Variants in CCDC149 observed in about 807,000 individuals in gnomAD.
CCDC149 encodes coiled-coil domain containing 149.
Under a neutral mutation model 59.9 loss-of-function variants are expected in CCDC149, and 45 were observed. The observed-to-expected ratio is 0.75, with a 90% CI of 0.59 to 0.96. The LOEUF (loss-of-function observed/expected upper bound fraction) is 0.96. CCDC149 is among the 40% of genes least tolerant of loss of function. The pLI, the probability that CCDC149 is intolerant of heterozygous loss-of-function variation, is 0.00. For missense variants in CCDC149, 584 were observed against 664.7 expected (o/e 0.88, Z 1.33); for synonymous variants, 245 against 260.6 (o/e 0.94, Z 0.58).
chr4:24,864,012 A>G (rs893568016), intron 3 of CCDC149, among the ~76,000 whole-genome samples: 1 of 152,206 alleles, frequency 6.6e-6, no homozygotes, highest in African/African-American at 2.4e-5. Context: ...TTCTGCAGAA[A>G]GTAAAGAGTG....
intron 1 of CCDC149, among the ~76,000 whole-genome samples, chr4:24,879,349 C>T (rs534596161): frequency 1.6e-4 from 24 of 152,072 alleles, no homozygotes; most frequent in Middle Eastern, 6.8e-3. Flanking sequence ...AAAACCCCCT[C>T]TCTACTAAAA....
intron 10 of CCDC149, among the ~76,000 whole-genome samples, chr4:24,821,739 T>C (rs1265430060): frequency 6.6e-6 from 1 of 152,162 alleles, no homozygotes. Context: ...GTGGAAATGG[T>C]AAATACAAGT....
At chr4:24,944,954 C>G (rs1220401469) in intron 1 of CCDC149, among the ~76,000 whole-genome samples, 1 of 152,150 alleles carries the variant, frequency 6.6e-6, no homozygotes, top group Non-Finnish European at 1.5e-5. Context: ...CCCACAAACC[C>G]TCCTTTCTCC....
At chr4:24,876,281 A>G (rs1719417051) in intron 2 of CCDC149, among the ~76,000 whole-genome samples, 1 of 143,316 alleles carries the variant, frequency 7.0e-6, no homozygotes, top group Non-Finnish European at 1.5e-5. Context: ...AGAAGCATAT[A>G]CATACACACG....
At chr4:24,960,768 G>A (rs1196372033) in intron 1 of CCDC149, among the ~76,000 whole-genome samples, 1 of 152,126 alleles carries the variant, frequency 6.6e-6, no homozygotes. Context: ...AAAAACTGAT[G>A]GGATTGCAAG....
At chr4:24,865,204 A>G (rs764058034) in intron 3 of CCDC149, among the ~76,000 whole-genome samples, 1 of 152,230 alleles carries the variant, frequency 6.6e-6, no homozygotes, top group Non-Finnish European at 1.5e-5. Context: ...GTAAGGAAAA[A>G]GAGAATGAGA....
chr4:24,955,197 G>T (rs1723432377), intron 1 of CCDC149, among the ~76,000 whole-genome samples: 1 of 152,176 alleles, frequency 6.6e-6, no homozygotes. Context: ...AGCATTTGGT[G>T]TCTGGTGAGG....
intron 12 of CCDC149, among the ~76,000 whole-genome samples, chr4:24,810,508 C>T (rs1714532498): frequency 6.6e-6 from 1 of 152,134 alleles, no homozygotes; most frequent in African/African-American, 2.4e-5. Context: ...AACCATTAGC[C>T]TATTTAAAAT....
intron 3 of CCDC149, among the ~76,000 whole-genome samples, chr4:24,860,983 G>T (rs1718341863): frequency 6.6e-6 from 1 of 152,066 alleles, no homozygotes; most frequent in Non-Finnish European, 1.5e-5. Flanking sequence ...CATGGATGTG[G>T]TAAAAAGGGA....
intron 12 of CCDC149, among the ~76,000 whole-genome samples, chr4:24,813,489 A>AATATATCTATATCATATATCTAT (rs1186488610): frequency 8.8e-6 from 1 of 113,734 alleles, no homozygotes; most frequent in African/African-American, 4.0e-5. Context: ...CAGCTTGGGG[A>AATATATCTATATCATATATCTAT]ATATATATAT....
At chr4:24,937,941 G>A (rs556126103) in intron 1 of CCDC149, among the ~76,000 whole-genome samples, 9 of 152,254 alleles carry the variant, frequency 5.9e-5, no homozygotes, top group African/African-American at 1.2e-4. Flanking sequence ...TGATATGTTG[G>A]TGGTGGGCTG....
In CCDC149 at chr4:24,837,263, G is replaced by A; in HGVS notation, c.627C>T (p.Arg209=). 1 of 1,614,218 alleles carries A rather than the reference G, an allele frequency of 6.2e-7. No individual in the cohort carries two copies. The highest frequency in any genetic ancestry group is 1.3e-5 in the African/African-American group (1 of 75,046). ...TACACAGGGCGTCCACGTCAATGATGCGGTTCTCGTGCCCACTCAGGATAT... is the reference window on the plus strand; with the variant it reads ...TACACAGGGCGTCCACGTCAATGATACGGTTCTCGTGCCCACTCAGGATAT... Residue 209 remains arginine, a synonymous_variant, in exon 6 of 13, where the codon CGC becomes CGT. Coordinates refer to ENST00000635206, the MANE Select transcript of CCDC149 (RefSeq NM_001330643.2). The surrounding 1 kb of genome is among the most constrained non-coding windows in gnomAD (Gnocchi z 4.3).
intron 10 of CCDC149, among the ~76,000 whole-genome samples, chr4:24,822,254 C>G (rs983295016): frequency 6.6e-6 from 1 of 152,032 alleles, no homozygotes; most frequent in Non-Finnish European, 1.5e-5. Context: ...GTTTGCTAAA[C>G]TTCATAGTTC....
intron 1 of CCDC149, among the ~76,000 whole-genome samples, chr4:24,932,688 G>T (rs1722630174): frequency 6.6e-6 from 1 of 152,062 alleles, no homozygotes; most frequent in South Asian, 2.1e-4. Context: ...GCCTTCTACA[G>T]ACTAAATTTA....
intron 1 of CCDC149, among the ~76,000 whole-genome samples, chr4:24,937,675 G>A (rs755720657): frequency 6.6e-6 from 1 of 152,200 alleles, no homozygotes; most frequent in Non-Finnish European, 1.5e-5. Context: ...AGAAAAGCTG[G>A]AGCGTTACAC....
At chr4:24,815,855 G>T (rs561876233) in intron 12 of CCDC149, among the ~76,000 whole-genome samples, 4 of 152,196 alleles carry the variant, frequency 2.6e-5, no homozygotes, top group East Asian at 3.9e-4. Context: ...GTGCAGGGGG[G>T]TGCGTGTGGG....
chr4:24,867,446 C>T (rs1718770978), intron 3 of CCDC149, among the ~76,000 whole-genome samples: 1 of 152,212 alleles, frequency 6.6e-6, no homozygotes. Flanking sequence ...CAGAAGAATG[C>T]TGGGAGATTA....
intron 1 of CCDC149, among the ~76,000 whole-genome samples, chr4:24,893,979 C>G (rs958466920): frequency 6.6e-6 from 1 of 152,136 alleles, no homozygotes; most frequent in African/African-American, 2.4e-5. Context: ...CTCATTCATT[C>G]CTTCATTCAC....
At chr4:24,847,522 TC>T (rs1717379544) in intron 4 of CCDC149, among the ~76,000 whole-genome samples, 2 of 152,236 alleles carry the variant, frequency 1.3e-5, no homozygotes, top group African/African-American at 4.8e-5. Context: ...CTTTGATGTG[TC>T]CTCAGCTGCT....
Sources: gnomAD v4.1 joint callset for allele counts (sites outside exome capture counted in the v4.1 genomes callset) on GRCh38, gnomAD v4.1.1 for gene constraint, Gnocchi (gnomAD v3.1) non-coding constraint, MANE v1.5 for transcripts, NCBI Gene and HGNC (gene_info 2026-07-23, HGNC 2026-07-21) for gene names.